Variants in MOBP observed in about 807,000 individuals in gnomAD.
MOBP encodes the protein myelin associated oligodendrocyte basic protein.
A neutral mutation model predicts 15.0 loss-of-function variants in MOBP; 5 were observed. The observed-to-expected ratio is 0.33, with a 90% CI of 0.17 to 0.70. The LOEUF (loss-of-function observed/expected upper bound fraction) is 0.70. Ranked by LOEUF, MOBP falls within the 30% of genes least tolerant of loss-of-function variation. The probability of loss-of-function intolerance (pLI) is 0.67; values close to 1 mark genes in which losing one functional copy is unlikely to be tolerated. For synonymous variants in MOBP, 88 were observed against 99.0 expected, an observed-to-expected ratio of 0.89 and a Z score of 0.66; for missense variants, 188 against 257.8, an observed-to-expected ratio of 0.73 and a Z score of 1.85.
chr3:39,500,645 G>A (rs7616236), intron 2 of MOBP, among the ~76,000 whole-genome samples: 17,750 of 152,204 alleles, frequency 0.12, 1,248 homozygotes, highest in Middle Eastern at 0.18. Flanking sequence ...ACTGATGAGT[G>A]AGTGAGTGGA....
At chr3:39,513,524 C>A in exon 5 of MOBP, 2 of 1,197,460 alleles carry the variant, frequency 1.7e-6, no homozygotes, top group Non-Finnish European at 2.4e-6. Flanking sequence ...AAATATTATG[C>A]AGGGGCAAAC....
chr3:39,526,930 C>A (rs1035300472), downstream of MOBP: 1 of 152,182 alleles, frequency 6.6e-6, no homozygotes, highest in Non-Finnish European at 1.5e-5. Context: ...GTGCCCACGA[C>A]CATGCCTGGC....
rs150573941 is a variant in MOBP at position 39,474,700 on chromosome 3, T to C, written c.-88-5340T>C. Among the ~76,000 whole-genome samples, 473 of 152,320 alleles carry C rather than the reference T, an allele frequency of 3.1e-3. 1 individual carries two copies. The highest frequency in any genetic ancestry group is 0.014 in the Middle Eastern group (4 of 294). The stretch of plus-strand genomic sequence containing the variant: ...TAATACTACATATGTATAGTATGTC[T>C]GTTTATGTATTGTACATATCTGTGC... On this transcript the variant is annotated intron_variant, in intron 1 of 3. Coordinates refer to ENST00000684792, the MANE Select transcript of MOBP (RefSeq NM_001393704.1).
At chr3:39,495,870 A>G (rs2042873078) in intron 2 of MOBP, among the ~76,000 whole-genome samples, 1 of 152,028 alleles carries the variant, frequency 6.6e-6, no homozygotes. Context: ...CTTTTGAAAA[A>G]AAATGAAGTA....
chr3:39,501,944 G>A (rs1481528466), intron 2 of MOBP, 122 bp from the exon 3 acceptor site: 7 of 777,130 alleles, frequency 9.0e-6, no homozygotes, highest in Non-Finnish European at 1.5e-5. Context: ...GTGTTGCTCT[G>A]TAGGGCCCCC....
At chr3:39,516,778 G>A (rs1443632143), downstream of MOBP, among the ~76,000 whole-genome samples, 2 of 152,178 alleles carry the variant, frequency 1.3e-5, no homozygotes, top group Non-Finnish European at 2.9e-5. Context: ...TATGGTTTCA[G>A]GTGGAAGGAA....
chr3:39,502,021 G>A lies in MOBP; in HGVS notation c.-4-45G>A, dbSNP rs746904994. The A allele has an allele frequency of 6.5e-7, 1 of 1,532,920 alleles. No homozygotes were observed. Among genetic ancestry groups the A allele is most frequent in the Admixed American group, 1.7e-5 (1 of 59,656 alleles). 95.0% of individuals were successfully genotyped at this position (1,532,920 alleles called of 1,614,324 possible). A position where few individuals can be genotyped will look rare whatever the true frequency, so the allele number is the denominator to read the frequency against. ...AGAGTAGAGGGCTCCCTTTCCTGAT[G>A]TGCGTTTATGTCTCCTCCTGTCTCC... On this transcript the variant is annotated intron_variant, in intron 2 of 3. Coordinates refer to ENST00000684792, the MANE Select transcript of MOBP (RefSeq NM_001393704.1). This position sits in a 1 kb window ranked among gnomAD's most constrained non-coding sequence, Gnocchi z 6.3.
chr3:39,512,955 A>G (rs2125668919), intron 4 of MOBP, among the ~76,000 whole-genome samples: 1 of 152,346 alleles, frequency 6.6e-6, no homozygotes, highest in Admixed American at 6.5e-5. Flanking sequence ...CCCTCATCAA[A>G]GTGGAAACAT....
In MOBP at chr3:39,502,068, A is replaced by C; in HGVS notation, c.-2A>C. ...CTCCTTGCATCGGCGATTTCCAGTG[A>C]GATGAGTCAGAAACCGGCCAAGGAG... On this transcript the variant is annotated splice_region_variant and 5_prime_UTR_variant, in exon 3 of 4. It removes the in-frame stop codon of an upstream open reading frame in the 5' UTR. Transcript: ENST00000684792. This position sits in a 1 kb window ranked among gnomAD's most constrained non-coding sequence, Gnocchi z 6.3. The C allele has an allele frequency of 6.2e-7, 1 of 1,613,654 alleles. No homozygotes were observed. Among genetic ancestry groups the C allele is most frequent in the Non-Finnish European group, 8.5e-7 (1 of 1,179,866 alleles).
intron 2 of MOBP, among the ~76,000 whole-genome samples, chr3:39,493,997 G>A (rs1305379166): frequency 6.6e-6 from 1 of 152,146 alleles, no homozygotes; most frequent in Non-Finnish European, 1.5e-5. Flanking sequence ...ATTGAAGAAA[G>A]GTCATCTTCC....
At chr3:39,516,718 C>T (rs192069210), downstream of MOBP, among the ~76,000 whole-genome samples, 3 of 152,244 alleles carry the variant, frequency 2.0e-5, no homozygotes, top group Admixed American at 1.3e-4. Context: ...TACAGTTTTG[C>T]CTACAACTTC....
At chr3:39,521,675 A>C (rs1216496479) in intron 3 of MOBP, among the ~76,000 whole-genome samples, 4 of 152,252 alleles carry the variant, frequency 2.6e-5, no homozygotes, top group Admixed American at 2.6e-4. Flanking sequence ...AAAATGAAAC[A>C]GTATTAAAGA....
chr3:39,487,173 G>A (rs893413577), intron 2 of MOBP, among the ~76,000 whole-genome samples: 7 of 151,656 alleles, frequency 4.6e-5, no homozygotes, highest in African/African-American at 1.7e-4. Context: ...ACTCCATCTT[G>A]GACCTCAAAT....
At chr3:39,503,123 T>A, downstream of MOBP, 1 of 469,068 alleles carries the variant, frequency 2.1e-6, no homozygotes. Flanking sequence ...GACTGGAAGT[T>A]GTTAATCTAT....
intron 2 of MOBP, among the ~76,000 whole-genome samples, chr3:39,491,608 G>T (rs1165716044): frequency 6.6e-6 from 1 of 152,192 alleles, no homozygotes; most frequent in East Asian, 1.9e-4. Context: ...AGACAACTCA[G>T]ACCATTGAGT....
At chr3:39,516,297 A>G (rs1410079206), downstream of MOBP, among the ~76,000 whole-genome samples, 1 of 152,132 alleles carries the variant, frequency 6.6e-6, no homozygotes, top group Non-Finnish European at 1.5e-5. Context: ...GCGGTGGCAC[A>G]GTGGGTGTGT....
chr3:39,483,448 T>C (rs2042655154), intron 2 of MOBP, among the ~76,000 whole-genome samples: 3 of 152,216 alleles, frequency 2.0e-5, no homozygotes, highest in Admixed American at 2.0e-4. Context: ...GCCTCTTCTT[T>C]GTCTCTCAAA....
At chr3:39,511,686 T>C (rs1202427644) in intron 4 of MOBP, among the ~76,000 whole-genome samples, 2 of 152,184 alleles carry the variant, frequency 1.3e-5, no homozygotes, top group East Asian at 3.9e-4. Context: ...TACTTGTCCA[T>C]CTTCCTTGCT....
At chr3:39,504,287 A>T (rs2125659096), downstream of MOBP, among the ~76,000 whole-genome samples, 1 of 152,370 alleles carries the variant, frequency 6.6e-6, no homozygotes, top group African/African-American at 2.4e-5. Flanking sequence ...GGAAGTAGTT[A>T]GAAAATGTAT....
Sources: gnomAD v4.1 joint callset for allele counts (sites outside exome capture counted in the v4.1 genomes callset) on GRCh38, gnomAD v4.1.1 for gene constraint, Gnocchi (gnomAD v3.1) non-coding constraint, MANE v1.5 for transcripts, NCBI Gene and HGNC (gene_info 2026-07-23, HGNC 2026-07-21) for gene names.